The following FAF1 variants were observed in gnomAD, a reference collection of about 807,000 sequenced individuals.
FAF1 encodes the protein Fas associated factor 1.
A neutral mutation model predicts 92.5 loss-of-function variants in FAF1; 25 were observed. The ratio of observed to expected loss-of-function variants is 0.27; its 90% CI spans 0.20 to 0.38. The LOEUF is 0.38. Among genes scored for constraint, FAF1 ranks in the 10% least tolerant of loss-of-function variants. The probability of loss-of-function intolerance (pLI) is 1.00; values close to 1 mark genes in which losing one functional copy is unlikely to be tolerated. For missense variants in FAF1, 636 were observed against 793.3 expected, an observed-to-expected ratio of 0.80 and a Z score of 2.38; for synonymous variants, 234 against 273.2, an observed-to-expected ratio of 0.86 and a Z score of 1.42.
At chr1:50,929,711 G>T (rs1397152318) in intron 1 of FAF1, among the ~76,000 whole-genome samples, 1 of 152,186 alleles carries the variant, frequency 6.6e-6, no homozygotes, top group African/African-American at 2.4e-5. Context: ...TTAGGGTCTG[G>T]AAATATAGTG....
chr1:50,702,791 T>C (rs1165807507), intron 7 of FAF1, among the ~76,000 whole-genome samples: 1 of 152,130 alleles, frequency 6.6e-6, no homozygotes, highest in Admixed American at 6.5e-5. Flanking sequence ...ACCATTAACT[T>C]GCAATGACCA....
intron 18 of FAF1, among the ~76,000 whole-genome samples, chr1:50,459,381 A>G (rs1646397584): frequency 6.6e-6 from 1 of 152,288 alleles, no homozygotes; most frequent in Middle Eastern, 3.4e-3. Context: ...CCATCCTCAC[A>G]GTTTAAATCT....
intron 7 of FAF1, among the ~76,000 whole-genome samples, chr1:50,689,041 AC>A (rs1230870634): frequency 1.3e-5 from 2 of 152,164 alleles, no homozygotes; most frequent in African/African-American, 4.8e-5. Flanking sequence ...ATAAGGAGTT[AC>A]TGTTTAATGG....
intron 6 of FAF1, among the ~76,000 whole-genome samples, chr1:50,725,766 A>G (rs904679804): frequency 4.6e-5 from 7 of 152,140 alleles, no homozygotes; most frequent in Non-Finnish European, 1.0e-4. Flanking sequence ...AAAAAGCCAT[A>G]TATTTTAACA....
intron 15 of FAF1, among the ~76,000 whole-genome samples, chr1:50,503,421 C>G (rs1251048289): frequency 6.6e-6 from 1 of 152,002 alleles, no homozygotes; most frequent in African/African-American, 2.4e-5. Flanking sequence ...AGTTTGAGAA[C>G]AGCCTAGGCA....
At chr1:50,808,727 T>C (rs1662306013) in intron 2 of FAF1, among the ~76,000 whole-genome samples, 1 of 152,178 alleles carries the variant, frequency 6.6e-6, no homozygotes, top group African/African-American at 2.4e-5. Context: ...ATATATTGTA[T>C]ATCTGATCTC....
chr1:50,790,677 G>GT (rs1177596420), intron 3 of FAF1, among the ~76,000 whole-genome samples: 6 of 151,664 alleles, frequency 4.0e-5, no homozygotes, highest in Non-Finnish European at 5.9e-5. Flanking sequence ...AGTATTGTAT[G>GT]TATCTTCCAC....
chr1:50,568,611 C>A (rs1050886554), intron 12 of FAF1, among the ~76,000 whole-genome samples: 2 of 152,122 alleles, frequency 1.3e-5, no homozygotes, highest in East Asian at 1.9e-4. Flanking sequence ...CAGAATAAAT[C>A]TTTAAAATAG....
intron 2 of FAF1, among the ~76,000 whole-genome samples, chr1:50,809,048 C>T (rs1323612628): frequency 2.0e-5 from 3 of 152,196 alleles, no homozygotes; most frequent in Non-Finnish European, 4.4e-5. Context: ...TAGGAGACTT[C>T]AACACTCTAC....
At chr1:50,738,385 G>A (rs1659224349) in intron 6 of FAF1, among the ~76,000 whole-genome samples, 1 of 149,600 alleles carries the variant, frequency 6.7e-6, no homozygotes, top group Non-Finnish European at 1.5e-5. Flanking sequence ...AGAGGTTGCG[G>A]TGAGCCAAGA....
intron 2 of FAF1, chr1:50,846,510 G>A (rs1408395586): frequency 8.1e-6 from 4 of 495,438 alleles, no homozygotes; most frequent in South Asian, 6.2e-5. Context: ...AAGCCATGCC[G>A]CGGCCAGACT....
intron 4 of FAF1, among the ~76,000 whole-genome samples, chr1:50,769,390 A>C (rs565863974): frequency 6.6e-6 from 1 of 152,312 alleles, no homozygotes; most frequent in Non-Finnish European, 1.5e-5. Context: ...TATTGTTCCT[A>C]CTAAAACCAT....
intron 8 of FAF1, among the ~76,000 whole-genome samples, chr1:50,633,233 G>C (rs1242328739): frequency 2.6e-5 from 4 of 152,318 alleles, no homozygotes; most frequent in African/African-American, 9.6e-5. Context: ...GTGGCTAACT[G>C]TATTGCCACT....
rs1027435847 is a variant in FAF1 at position 50,440,294 on chromosome 1, C to T, written c.*1146G>A. On this transcript the variant is annotated 3_prime_UTR_variant, in exon 19 of 19. Coordinates refer to ENST00000396153, the MANE Select transcript of FAF1 (RefSeq NM_007051.3). ...GTAGATTAAGAAAAATCCACACTTA[C>T]TAAATCAAATCAAAAATTATTATAT... The T allele has an allele frequency of 2.0e-5, 3 of 152,212 alleles. No individual in the cohort carries two copies. The highest frequency in any genetic ancestry group is 2.9e-5 in the Non-Finnish European group (2 of 68,048). 9.4% of individuals were successfully genotyped at this position (152,212 alleles called of 1,614,324 possible).
intron 1 of FAF1, among the ~76,000 whole-genome samples, chr1:50,897,557 A>G (rs1644767352): frequency 1.3e-5 from 2 of 152,210 alleles, no homozygotes; most frequent in African/African-American, 4.8e-5. Context: ...TATCCTATGT[A>G]TTTTATTATC....
intron 6 of FAF1, 36 bp from the exon 7 acceptor site, chr1:50,705,927 A>ATG (rs1657657653): frequency 1.5e-6 from 2 of 1,309,936 alleles, no homozygotes; most frequent in South Asian, 2.4e-5. Flanking sequence ...GAACTCAGAG[A>ATG]TGAACAAGTT....
intron 18 of FAF1, chr1:50,452,194 C>A: frequency 2.3e-6 from 3 of 1,308,768 alleles, no homozygotes; most frequent in Non-Finnish European, 3.0e-6. Context: ...GTCCTGGAAT[C>A]TGGAAGACAT....
At chr1:50,847,905 A>C (rs1243308581) in intron 2 of FAF1, among the ~76,000 whole-genome samples, 3 of 151,842 alleles carry the variant, frequency 2.0e-5, no homozygotes, top group African/African-American at 2.4e-5. Context: ...ACACACACAC[A>C]CCCCTCTAGG....
intron 8 of FAF1, among the ~76,000 whole-genome samples, chr1:50,624,741 T>A (rs536356299): frequency 6.6e-6 from 1 of 152,298 alleles, no homozygotes; most frequent in South Asian, 2.1e-4. Flanking sequence ...CTCTAACTTT[T>A]CACATATATT....
Sources: gnomAD v4.1 joint callset for allele counts (sites outside exome capture counted in the v4.1 genomes callset) on GRCh38, gnomAD v4.1.1 for gene constraint, MANE v1.5 for transcripts, NCBI Gene and HGNC (gene_info 2026-07-23, HGNC 2026-07-21) for gene names.